Variants in MAST4 observed in about 807,000 individuals in gnomAD.
MAST4 encodes the protein microtubule associated serine/threonine kinase family member 4.
Under a neutral mutation model 162.7 loss-of-function variants are expected in MAST4, and 89 were observed. The ratio of observed to expected loss-of-function variants is 0.55; its 90% CI spans 0.46 to 0.65. The LOEUF (loss-of-function observed/expected upper bound fraction) is 0.65, where lower values mean the gene tolerates loss of function less well. Among genes scored for constraint, MAST4 ranks in the 30% least tolerant of loss-of-function variants. MAST4 has a pLI of 0.00. For synonymous variants in MAST4, 1,479 were observed against 1,361.1 expected, an observed-to-expected ratio of 1.09 and a Z score of -1.91; for missense variants, 3,153 against 3,374.0, an observed-to-expected ratio of 0.93 and a Z score of 1.62.
intron 1 of MAST4, among the ~76,000 whole-genome samples, chr5:66,740,907 C>T (rs554575175): frequency 2.2e-4 from 33 of 152,284 alleles, no homozygotes; most frequent in African/African-American, 7.9e-4. Context: ...CCTCAGTTTC[C>T]TTATCTGTGA....
chr5:67,027,055 C>T (rs1031605189), intron 4 of MAST4, among the ~76,000 whole-genome samples: 1 of 151,950 alleles, frequency 6.6e-6, no homozygotes, highest in Non-Finnish European at 1.5e-5. Flanking sequence ...TTCAAGAACA[C>T]ATGTTTATAT....
chr5:66,918,626 A>G (rs992813819), intron 4 of MAST4, among the ~76,000 whole-genome samples: 8 of 151,776 alleles, frequency 5.3e-5, no homozygotes, highest in Non-Finnish European at 8.8e-5. Context: ...GGAGCTAAAT[A>G]CTAAAACTGG....
chr5:66,735,649 T>C (rs1752110996), intron 1 of MAST4, among the ~76,000 whole-genome samples: 1 of 152,198 alleles, frequency 6.6e-6, no homozygotes, highest in African/African-American at 2.4e-5. Flanking sequence ...CAAAATTTTG[T>C]TTTTATGTGA....
chr5:66,651,624 A>G (rs1009546111), intron 1 of MAST4, among the ~76,000 whole-genome samples: 1 of 151,946 alleles, frequency 6.6e-6, no homozygotes, highest in African/African-American at 2.4e-5. Flanking sequence ...AATTCCTCCA[A>G]AATGTAGCAG....
At position 67,100,578 on chromosome 5, in the gene MAST4, T is replaced by C; in HGVS notation, c.1056T>C (p.Arg352=). 1.2e-6 allele frequency: 2 copies of C among 1,613,912 alleles called. No individual in the cohort carries two copies. The highest frequency in any genetic ancestry group is 8.5e-7 in the Non-Finnish European group (1 of 1,179,824). ...GCAGGAACACGCCGATGCGCCCCCG[T>C]TCCCGAAGTCTGAGGTGTGTGGGCC... is the stretch of plus-strand genomic sequence containing the variant. ...NRCRNTPMRP[R]SRSLSPGRSP... is the part of the protein sequence containing the mutation. The change falls in exon 8 of 29, where the codon CGT becomes CGC. Residue 352 remains arginine, a synonymous_variant. Coordinates refer to ENST00000403625, the MANE Select transcript of MAST4 (RefSeq NM_001164664.2).
Position 66,622,130 on chromosome 5 carries a change from G to A in MAST4, c.363+25112G>A, listed in dbSNP as rs115013182. Among the ~76,000 whole-genome samples, 1,522 of 152,266 alleles carry A rather than the reference G, an allele frequency of 1.0e-2. 27 individuals are homozygous for A. Among genetic ancestry groups the A allele is most frequent in the African/African-American group, 0.035 (1,442 of 41,552 alleles). ...GGAATATGGAGTGCTGGGGTGTGGG[G>A]TGAGGGATATTTATAGATTTTGACA... On this transcript the variant is annotated intron_variant, in intron 1 of 28. Transcript: ENST00000403625.
chr5:66,895,261 A>G (rs1175381309), intron 3 of MAST4, among the ~76,000 whole-genome samples: 1 of 152,154 alleles, frequency 6.6e-6, no homozygotes, highest in African/African-American at 2.4e-5. Flanking sequence ...GTATAGCACA[A>G]TCCTCCCTTC....
intron 1 of MAST4, among the ~76,000 whole-genome samples, chr5:66,708,408 G>A (rs1238969569): frequency 6.6e-6 from 1 of 152,110 alleles, no homozygotes. Flanking sequence ...GTTGAATTTT[G>A]TTGTTAAAGG....
chr5:66,782,105 A>C (rs1264775096), intron 2 of MAST4, among the ~76,000 whole-genome samples: 1 of 152,018 alleles, frequency 6.6e-6, no homozygotes, highest in East Asian at 1.9e-4. Context: ...CCTGGCCGAC[A>C]TGGTGAAACC....
intron 3 of MAST4, among the ~76,000 whole-genome samples, chr5:66,871,499 C>T (rs1054327593): frequency 5.9e-5 from 9 of 152,142 alleles, no homozygotes; most frequent in African/African-American, 2.2e-4. Context: ...TAATAGATAG[C>T]AGTAGCCACA....
At chr5:66,955,511 A>G (rs1745207087) in intron 4 of MAST4, among the ~76,000 whole-genome samples, 1 of 152,118 alleles carries the variant, frequency 6.6e-6, no homozygotes, top group Non-Finnish European at 1.5e-5. Flanking sequence ...TTATAAGACA[A>G]AATTTCAAAC....
At chr5:67,005,771 T>G (rs913078866) in intron 4 of MAST4, among the ~76,000 whole-genome samples, 6 of 152,272 alleles carry the variant, frequency 3.9e-5, no homozygotes, top group Non-Finnish European at 8.8e-5. Flanking sequence ...AGACTATGAC[T>G]TTGAAGGAGG....
At chr5:66,908,690 G>C (rs191784783) in intron 4 of MAST4, among the ~76,000 whole-genome samples, 1 of 152,150 alleles carries the variant, frequency 6.6e-6, no homozygotes, top group Non-Finnish European at 1.5e-5. Flanking sequence ...TGCTTATTTA[G>C]AGTGACCCAT....
chr5:67,014,356 G>C (rs976316843), intron 4 of MAST4, among the ~76,000 whole-genome samples: 6 of 152,186 alleles, frequency 3.9e-5, no homozygotes, highest in Admixed American at 3.9e-4. Flanking sequence ...TCTCATCTTT[G>C]ATGTCAAATG....
chr5:66,925,145 T>C (rs1764804740), intron 4 of MAST4, among the ~76,000 whole-genome samples: 1 of 152,232 alleles, frequency 6.6e-6, no homozygotes, highest in Non-Finnish European at 1.5e-5. Flanking sequence ...ATGTGTTTTC[T>C]TTCCAGCTGG....
intron 3 of MAST4, among the ~76,000 whole-genome samples, chr5:66,823,808 A>T (rs1757110395): frequency 6.6e-6 from 1 of 152,134 alleles, no homozygotes; most frequent in African/African-American, 2.4e-5. Flanking sequence ...CATTGTTATT[A>T]ATATTTAGAA....
At chr5:66,957,319 G>T (rs1013558562) in intron 4 of MAST4, among the ~76,000 whole-genome samples, 2 of 151,966 alleles carry the variant, frequency 1.3e-5, no homozygotes, top group Non-Finnish European at 2.9e-5. Context: ...GAAAGTTGAG[G>T]CCTCTTTTTT....
intron 4 of MAST4, among the ~76,000 whole-genome samples, chr5:67,049,042 C>T (rs915004615): frequency 1.7e-3 from 86 of 51,266 alleles, no homozygotes; most frequent in African/African-American, 3.4e-3. Flanking sequence ...TATATATATA[C>T]GTGTATATAT....
intron 4 of MAST4, chr5:66,958,992 G>T: frequency 1.2e-5 from 5 of 415,724 alleles, no homozygotes; most frequent in East Asian, 3.4e-5. Flanking sequence ...CCAATTACTT[G>T]ATATGCAGAG....
Sources: allele counts gnomAD v4.1 joint callset (sites outside exome capture counted in the v4.1 genomes callset), GRCh38; gene constraint gnomAD v4.1.1; transcripts MANE v1.5; gene names NCBI Gene and HGNC (gene_info 2026-07-23, HGNC 2026-07-21).